The following KIDINS220 variants were observed in gnomAD, a reference collection of about 807,000 sequenced individuals.
The protein encoded by KIDINS220 is kinase D interacting substrate 220.
Under a neutral mutation model 157.6 loss-of-function variants are expected in KIDINS220, and 63 were observed. The observed-to-expected ratio is 0.40, with a 90% CI of 0.33 to 0.49. KIDINS220 has a LOEUF of 0.49. Among genes scored for constraint, KIDINS220 ranks in the 20% least tolerant of loss-of-function variants. KIDINS220 has a pLI of 0.66. For synonymous variants in KIDINS220, 732 were observed against 783.6 expected, an observed-to-expected ratio of 0.93 and a Z score of 1.10; for missense variants, 1,772 against 2,171.2, an observed-to-expected ratio of 0.82 and a Z score of 3.65.
At chr2:8,762,166 A>C (rs987513503) in intron 22 of KIDINS220, among the ~76,000 whole-genome samples, 3 of 152,202 alleles carry the variant, frequency 2.0e-5, no homozygotes, top group African/African-American at 7.2e-5. Context: ...ATTTCAAGAA[A>C]TTGTCTTTGG....
In KIDINS220 at chr2:8,789,889, T is replaced by C. The variant is rs759982211; in HGVS notation, c.1612A>G (p.Ile538Val). Residue 538 changes from isoleucine to valine, a missense_variant, in exon 14 of 30, where the codon ATA becomes GTA. Coordinates refer to ENST00000256707, the MANE Select transcript of KIDINS220 (RefSeq NM_020738.4). The stretch of plus-strand genomic sequence containing the variant: ...AAAAGCAAAGACTTACTAAAGAATA[T>C]ATATAAGAGAGCCAAGAAGCTCAGT... ...VSLSFLALLY[I>V]FFIVIYFGGR... 1.9e-6 allele frequency: 3 copies of C among 1,600,210 alleles called. No individual in the cohort carries two copies. The highest frequency in any genetic ancestry group is 2.6e-6 in the Non-Finnish European group (3 of 1,175,722).
intron 18 of KIDINS220, 122 bp from the exon 19 acceptor site, chr2:8,779,261 T>A: frequency 7.0e-6 from 9 of 1,291,360 alleles, no homozygotes; most frequent in Non-Finnish European, 7.4e-6. Flanking sequence ...TTTCTTTTCA[T>A]CAAAACTTAC....
chr2:8,758,383 A>G (rs1668313789), intron 22 of KIDINS220, among the ~76,000 whole-genome samples: 1 of 152,288 alleles, frequency 6.6e-6, no homozygotes, highest in Admixed American at 6.5e-5. Context: ...ATCCTCAGGA[A>G]CAGATCCTGG....
downstream of KIDINS220, chr2:8,722,369 C>T (rs1170213345): frequency 6.6e-6 from 1 of 152,196 alleles, no homozygotes; most frequent in African/African-American, 2.4e-5. Flanking sequence ...CTAGTTTTCC[C>T]ACTGGCTGCT....
intron 2 of KIDINS220, among the ~76,000 whole-genome samples, chr2:8,822,815 T>C (rs1572809648): frequency 6.6e-6 from 1 of 152,102 alleles, no homozygotes; most frequent in Non-Finnish European, 1.5e-5. Context: ...TCTTCACTAC[T>C]CTATAAAGGA....
At position 8,751,463 on chromosome 2, in the gene KIDINS220, C is replaced by T. The variant is rs1192791981; in HGVS notation, c.3190+3G>A. ...AAAAATTAAATTTACTACTAATACCCACCTGCAATAATTTCCCGTAGTTTG... is the reference window on the plus strand; with the variant it reads ...AAAAATTAAATTTACTACTAATACCTACCTGCAATAATTTCCCGTAGTTTG... On this transcript the variant is annotated splice_donor_region_variant and intron_variant, in intron 23 of 29. Transcript: ENST00000256707. 3 of 1,598,378 alleles carry T rather than the reference C, an allele frequency of 1.9e-6. No homozygotes were observed. Among genetic ancestry groups the T allele is most frequent in the African/African-American group, 2.7e-5 (2 of 73,922 alleles).
intron 17 of KIDINS220, among the ~76,000 whole-genome samples, chr2:8,782,466 T>C (rs1377820169): frequency 6.6e-6 from 1 of 152,234 alleles, no homozygotes; most frequent in East Asian, 1.9e-4. Flanking sequence ...ACCAGTTCTT[T>C]CAAAGACATA....
intron 2 of KIDINS220, among the ~76,000 whole-genome samples, chr2:8,819,185 A>G (rs574507420): frequency 6.6e-6 from 1 of 152,286 alleles, no homozygotes; most frequent in South Asian, 2.1e-4. Flanking sequence ...AATTATATAT[A>G]TGTTTTGTCT....
rs17630893 is a variant in KIDINS220 at position 8,770,880 on chromosome 2, T to C, written c.2849-48A>G. 635,356 of 1,142,354 alleles carry C rather than the reference T, an allele frequency of 0.56. 183,063 individuals carry two copies. Among genetic ancestry groups the C allele is most frequent in the East Asian group, 0.62 (24,945 of 39,950 alleles). 70.8% of individuals were successfully genotyped at this position (1,142,354 alleles called of 1,614,324 possible). A position where few individuals can be genotyped will look rare whatever the true frequency, so the allele number is the denominator to read the frequency against. ...TTAAAAATTAATAGATGTGTGATAG[T>C]ATGTTAAGTAAAACATTTAGTATAT... is the stretch of plus-strand genomic sequence containing the variant. On this transcript the variant is annotated intron_variant, in intron 21 of 29. Transcript: ENST00000256707.
At position 8,776,845 on chromosome 2, in the gene KIDINS220, C is replaced by A. The variant is rs201276457; in HGVS notation, c.2751G>T (p.Met917Ile). Residue 917 changes from methionine to isoleucine, a missense_variant, in exon 21 of 30, where the codon ATG becomes ATT. Coordinates refer to ENST00000256707, the MANE Select transcript of KIDINS220 (RefSeq NM_020738.4). ...RQMQRTITRQ[M>I]SFDLTKLLVT... ...CCAGCAGTTTTGTAAGATCAAAGGA[C>A]ATCTGGCGAGTGATGGTCCTCTGCA... 1 of 1,614,106 alleles carries A rather than the reference C, an allele frequency of 6.2e-7. No individual in the cohort carries two copies. The highest frequency in any genetic ancestry group is 1.1e-5 in the South Asian group (1 of 91,074).
At chr2:8,759,782 T>C (rs1668519042) in intron 22 of KIDINS220, among the ~76,000 whole-genome samples, 1 of 152,098 alleles carries the variant, frequency 6.6e-6, no homozygotes, top group Non-Finnish European at 1.5e-5. Flanking sequence ...TTAAAAGTTA[T>C]GAAGAATTGA....
chr2:8,788,717 GT>G lies in KIDINS220; in HGVS notation c.1716del (p.Glu572AspfsTer6). The G allele has an allele frequency of 6.2e-7, 1 of 1,614,156 alleles. No homozygotes were observed. Among genetic ancestry groups the G allele is most frequent in the South Asian group, 1.1e-5 (1 of 91,088 alleles). ...TTCACAAACATCAATTTAAGGAGGA[GT>G]TCCAAATATCCAATATGTCTTGCCA... ...TRLARHIGYL[E>X]LLLKLMFVNP... is the part of the protein sequence containing the mutation. On this transcript the variant is annotated frameshift_variant, in exon 15 of 30. Coordinates refer to ENST00000256707, the MANE Select transcript of KIDINS220 (RefSeq NM_020738.4). LOFTEE classifies it high-confidence loss of function.
intron 28 of KIDINS220, among the ~76,000 whole-genome samples, chr2:8,734,071 G>C (rs969550103): frequency 8.5e-5 from 13 of 152,122 alleles, no homozygotes; most frequent in African/African-American, 3.1e-4. Context: ...ACAGAAGGGA[G>C]TCCAACTCGG....
Position 8,796,758 on chromosome 2 carries a change from A to C in KIDINS220, c.1098+13T>G, listed in dbSNP as rs748766347. ...GCTTTCCATACAGTGTTCTCTCCGCACAGATGTTTTACCTTATCTACAGCA... is the reference window on the plus strand; with the variant it reads ...GCTTTCCATACAGTGTTCTCTCCGCCCAGATGTTTTACCTTATCTACAGCA... On this transcript the variant is annotated intron_variant, in intron 11 of 29. Coordinates refer to ENST00000256707, the MANE Select transcript of KIDINS220 (RefSeq NM_020738.4). The C allele has an allele frequency of 6.3e-7, 1 of 1,597,348 alleles. No homozygotes were observed. Among genetic ancestry groups the C allele is most frequent in the Non-Finnish European group, 8.6e-7 (1 of 1,164,678 alleles).
intron 2 of KIDINS220, chr2:8,825,794 T>TAGCA (rs1678691608): frequency 6.6e-6 from 1 of 152,166 alleles, no homozygotes; most frequent in African/African-American, 2.4e-5. Flanking sequence ...CAAATAATAA[T>TAGCA]AGCTTGGCTT....
At chr2:8,776,013 T>C (rs1670917978) in intron 21 of KIDINS220, among the ~76,000 whole-genome samples, 1 of 152,194 alleles carries the variant, frequency 6.6e-6, no homozygotes, top group Non-Finnish European at 1.5e-5. Flanking sequence ...GTTGATAACA[T>C]ACTAAAACAT....
At chr2:8,761,025 T>C (rs1414235235) in intron 22 of KIDINS220, among the ~76,000 whole-genome samples, 1 of 152,150 alleles carries the variant, frequency 6.6e-6, no homozygotes, top group African/African-American at 2.4e-5. Flanking sequence ...AAATAGTGTC[T>C]ATCATTAAAA....
At chr2:8,746,144 C>A (rs1377502070) in intron 26 of KIDINS220, among the ~76,000 whole-genome samples, 1 of 150,988 alleles carries the variant, frequency 6.6e-6, no homozygotes, top group Non-Finnish European at 1.5e-5. Context: ...CTCTTGTTGC[C>A]GAGGCTGGAG....
intron 15 of KIDINS220, among the ~76,000 whole-genome samples, chr2:8,787,103 T>C: frequency 6.6e-6 from 1 of 150,942 alleles, no homozygotes. Context: ...TTGTTCTAAC[T>C]GAAAAAAAAA....
Sources: allele counts gnomAD v4.1 joint callset (sites outside exome capture counted in the v4.1 genomes callset), GRCh38; gene constraint gnomAD v4.1.1; transcripts MANE v1.5; gene names NCBI Gene and HGNC (gene_info 2026-07-23, HGNC 2026-07-21).